Variants in CHODL observed in about 807,000 individuals in gnomAD.
CHODL encodes transmembrane protein MT75.
A neutral mutation model predicts 34.5 loss-of-function variants in CHODL; 29 were observed. The observed-to-expected ratio is 0.84, with a 90% CI of 0.63 to 1.15. CHODL has a LOEUF of 1.15. Among genes scored for constraint, CHODL ranks in the 50% most tolerant of loss-of-function variants. CHODL has a pLI of 0.00. For missense variants in CHODL, 332 were observed against 332.5 expected (o/e 1.00, Z 0.01); for synonymous variants, 125 against 116.1 (o/e 1.08, Z -0.49).
At chr21:18,127,201 G>T (rs1290097830) in intron 2 of CHODL, among the ~76,000 whole-genome samples, 1 of 152,042 alleles carries the variant, frequency 6.6e-6, no homozygotes, top group African/African-American at 2.4e-5. Context: ...AAGGAATAAT[G>T]AAAATGTTCT....
At chr21:18,159,722 C>G (rs1025137943) in intron 2 of CHODL, among the ~76,000 whole-genome samples, 1 of 152,130 alleles carries the variant, frequency 6.6e-6, no homozygotes, top group African/African-American at 2.4e-5. Flanking sequence ...TACAAATGAT[C>G]TATAAGTGGG....
At chr21:17,988,038 T>C (rs2063767230) in intron 1 of CHODL, among the ~76,000 whole-genome samples, 1 of 145,652 alleles carries the variant, frequency 6.9e-6, no homozygotes. Context: ...ATTTATCTAC[T>C]TCAAAAAAAT....
intron 2 of CHODL, among the ~76,000 whole-genome samples, chr21:18,051,050 A>G (rs2064508493): frequency 1.3e-5 from 2 of 151,554 alleles, no homozygotes; most frequent in African/African-American, 2.4e-5. Context: ...TTTACATTAG[A>G]TATTTCTCCT....
rs2064917942 is a variant in CHODL at position 18,079,820 on chromosome 21, C to T, written c.-45+51849C>T. Reference sequence around the variant, plus strand: ...ATAGAATTTGCTATAATCACAATAGCAAAATAATAGAATTTGCTATAATCC... The same window carrying T: ...ATAGAATTTGCTATAATCACAATAGTAAAATAATAGAATTTGCTATAATCC... On this transcript the variant is annotated intron_variant, in intron 2 of 6. Coordinates refer to the CHODL transcript ENST00000400127. Among the ~76,000 whole-genome samples the T allele has an allele frequency of 2.6e-5, 4 of 152,028 alleles. No homozygotes were observed. In the South Asian group the frequency reaches 8.3e-4, roughly 32 times the overall value.
chr21:17,925,276 C>G, intron 1 of CHODL, among the ~76,000 whole-genome samples: 1 of 152,202 alleles, frequency 6.6e-6, no homozygotes, highest in Non-Finnish European at 1.5e-5. Context: ...AAAGTTGACT[C>G]TCAGTTTTCA....
At chr21:18,009,870 A>G (rs1371607587) in intron 1 of CHODL, among the ~76,000 whole-genome samples, 2 of 132,362 alleles carry the variant, frequency 1.5e-5, no homozygotes, top group Non-Finnish European at 1.5e-5. Flanking sequence ...CCTGGGCGAC[A>G]GAGCCAGACT....
chr21:18,258,729 T>G (rs752413039), intron 3 of CHODL, among the ~76,000 whole-genome samples: 1 of 152,076 alleles, frequency 6.6e-6, no homozygotes, highest in African/African-American at 2.4e-5. Flanking sequence ...GTTGGCCTTA[T>G]TAATGTGCTC....
At chr21:18,055,635 A>G (rs2064569969) in intron 2 of CHODL, among the ~76,000 whole-genome samples, 1 of 151,994 alleles carries the variant, frequency 6.6e-6, no homozygotes, top group Non-Finnish European at 1.5e-5. Context: ...TAAAGTGTGG[A>G]CTAGGTTCTA....
At chr21:18,047,864 G>T (rs368732022) in intron 2 of CHODL, among the ~76,000 whole-genome samples, 1 of 151,888 alleles carries the variant, frequency 6.6e-6, no homozygotes, top group African/African-American at 2.4e-5. Context: ...AACTTGTGAC[G>T]CTTCACAGTG....
At chr21:18,121,096 A>G (rs2065473531) in intron 2 of CHODL, among the ~76,000 whole-genome samples, 1 of 152,026 alleles carries the variant, frequency 6.6e-6, no homozygotes, top group Non-Finnish European at 1.5e-5. Context: ...TCAAACTCAT[A>G]CTTTTCAAGT....
intron 2 of CHODL, among the ~76,000 whole-genome samples, chr21:18,174,148 T>TATCTTGGTATATATATATATATAC (rs2073272865): frequency 9.1e-6 from 1 of 109,824 alleles, no homozygotes; most frequent in Non-Finnish European, 1.9e-5. Context: ...TATATATATA[T>TATCTTGGTATATATATATATATAC]ATATATATAT....
intron 2 of CHODL, among the ~76,000 whole-genome samples, chr21:18,139,722 C>T (rs959954820): frequency 6.6e-6 from 1 of 152,154 alleles, no homozygotes; most frequent in African/African-American, 2.4e-5. Flanking sequence ...TAGCTAAAAT[C>T]ACCCACGACA....
In CHODL at chr21:17,970,783, C is replaced by T. The variant is rs139778265; in HGVS notation, c.-145+53383C>T. ...TAAGTTCTGGGATACATGTGCAGAA[C>T]GTGTAGGTTTGTTACATAGGTATAC... On this transcript the variant is annotated intron_variant, in intron 1 of 6. Transcript: ENST00000400127. Among the ~76,000 whole-genome samples the T allele has an allele frequency of 2.9e-3, 448 of 152,020 alleles. 5 individuals carry two copies. Among genetic ancestry groups the T allele is most frequent in the African/African-American group, 0.01 (432 of 41,458 alleles).
At position 18,076,956 on chromosome 21, in the gene CHODL, C is replaced by A. The variant is rs114782349; in HGVS notation, c.-45+48985C>A. On this transcript the variant is annotated intron_variant, in intron 2 of 6. Coordinates refer to the CHODL transcript ENST00000400127. ...CAGAGAACTGCTACAAGAATGGGAC[C>A]ACCTAAAGTTGTGGGATTAGGGTTG... Among the ~76,000 whole-genome samples the A allele has an allele frequency of 8.2e-3, 1,241 of 152,250 alleles. 22 individuals carry two copies. The highest frequency in any genetic ancestry group is 0.028 in the African/African-American group (1,178 of 41,554).
intron 2 of CHODL, among the ~76,000 whole-genome samples, chr21:18,117,504 T>G (rs2065427018): frequency 6.6e-6 from 1 of 152,202 alleles, no homozygotes; most frequent in Non-Finnish European, 1.5e-5. Context: ...AATATACAGC[T>G]GTGTCTGCTT....
At chr21:18,126,312 T>G (rs1228638232) in intron 2 of CHODL, among the ~76,000 whole-genome samples, 1 of 152,240 alleles carries the variant, frequency 6.6e-6, no homozygotes, top group Non-Finnish European at 1.5e-5. Flanking sequence ...TATTTTAAAT[T>G]ATGGCATGTA....
chr21:18,126,677 A>G (rs1410230455), intron 2 of CHODL, among the ~76,000 whole-genome samples: 1 of 151,926 alleles, frequency 6.6e-6, no homozygotes, highest in Admixed American at 6.6e-5. Context: ...ATATCCTCGT[A>G]TGACAGCAGA....
intron 2 of CHODL, among the ~76,000 whole-genome samples, chr21:18,063,487 A>C (rs993275148): frequency 6.6e-6 from 1 of 152,164 alleles, no homozygotes; most frequent in Admixed American, 6.5e-5. Context: ...TAGGAAAAAA[A>C]TTGATTGAAG....
At chr21:18,181,434 G>T (rs978074642) in intron 2 of CHODL, among the ~76,000 whole-genome samples, 8 of 152,142 alleles carry the variant, frequency 5.3e-5, no homozygotes, top group African/African-American at 1.7e-4. Flanking sequence ...ACGGAGTCTC[G>T]CTCTGTCGCC....
Sources: gnomAD v4.1 joint callset for allele counts (sites outside exome capture counted in the v4.1 genomes callset) on GRCh38, gnomAD v4.1.1 for gene constraint, MANE v1.5 for transcripts, NCBI Gene and HGNC (gene_info 2026-07-23, HGNC 2026-07-21) for gene names.